The following ATG7 variants were observed in gnomAD, a reference collection of about 807,000 sequenced individuals.
The protein encoded by ATG7 is ubiquitin-like modifier-activating enzyme ATG7.
ATG7 carries 70 observed loss-of-function variants against 82.4 expected under a neutral mutation model. The ratio of observed to expected loss-of-function variants is 0.85; its 90% CI spans 0.70 to 1.04. The LOEUF (loss-of-function observed/expected upper bound fraction) is 1.04, where lower values mean the gene tolerates loss of function less well. Ranked by LOEUF, ATG7 falls within the 50% of genes least tolerant of loss-of-function variation. ATG7 has a pLI of 0.00. For missense variants in ATG7, 792 were observed against 864.3 expected (o/e 0.92, Z 1.05); for synonymous variants, 287 against 313.0 (o/e 0.92, Z 0.88).
intron 19 of ATG7, among the ~76,000 whole-genome samples, chr3:11,392,866 C>G (rs2078931632): frequency 6.6e-6 from 1 of 152,124 alleles, no homozygotes; most frequent in Non-Finnish European, 1.5e-5. Flanking sequence ...ACCAGGTGAT[C>G]TGTAACAATA....
At chr3:11,409,667 C>G (rs1470190681) in intron 19 of ATG7, among the ~76,000 whole-genome samples, 3 of 152,148 alleles carry the variant, frequency 2.0e-5, no homozygotes, top group Admixed American at 2.0e-4. Flanking sequence ...AGATTTTCTC[C>G]CATGTTATCC....
intron 19 of ATG7, among the ~76,000 whole-genome samples, chr3:11,391,575 G>A (rs994296988): frequency 2.0e-5 from 3 of 152,186 alleles, no homozygotes; most frequent in Admixed American, 1.3e-4. Context: ...CCAGCACAGC[G>A]GTTCTTGTCC....
rs1157992288 is a variant in ATG7, at chr3:11,292,251, TTTC to T, written c.-10-6432_-10-6430del. The stretch of plus-strand genomic sequence containing the variant: ...GTGAATTTATTTTTTTCTTTCTTTC[TTTC>T]TTTTTTTTTTTTTTTTGGAGACAGA... On this transcript the variant is annotated intron_variant, in intron 3 of 20. Coordinates refer to ENST00000693202, the MANE Select transcript of ATG7 (RefSeq NM_001349232.2). Among the ~76,000 whole-genome samples the T allele has an allele frequency of 9.9e-5, 15 of 151,154 alleles. No individual in the cohort carries two copies. The South Asian group carries it at 2.9e-3, about 29-fold the overall frequency.
intron 20 of ATG7, among the ~76,000 whole-genome samples, chr3:11,430,736 A>G (rs2082797748): frequency 6.6e-6 from 1 of 152,236 alleles, no homozygotes. Flanking sequence ...ACATGGAAAT[A>G]GTGAGCTCTA....
At chr3:11,317,506 T>C (rs553826959) in intron 9 of ATG7, among the ~76,000 whole-genome samples, 2 of 152,298 alleles carry the variant, frequency 1.3e-5, no homozygotes, top group South Asian at 4.1e-4. Flanking sequence ...AGTTAATTAG[T>C]ATCTGCATTT....
chr3:11,436,910 G>A (rs1321841977), intron 20 of ATG7, among the ~76,000 whole-genome samples: 1 of 152,178 alleles, frequency 6.6e-6, no homozygotes, highest in African/African-American at 2.4e-5. Context: ...GGTGGGGATG[G>A]GGGATTAAGG....
chr3:11,566,098 T>C, the ATG7 span, among the ~76,000 whole-genome samples: 7 of 152,340 alleles, frequency 4.6e-5, no homozygotes, highest in Admixed American at 3.3e-4. Flanking sequence ...AGGCCTGCCC[T>C]GGTGAAGCAG....
Position 11,552,041 on chromosome 3 carries a change from G to A in ATG7, c.2080-2770G>A, listed in dbSNP as rs146070500. On this transcript the variant is annotated intron_variant, in intron 20 of 20. Coordinates refer to ENST00000693202, the MANE Select transcript of ATG7 (RefSeq NM_001349232.2). The stretch of plus-strand genomic sequence containing the variant: ...TGGGATTACAGGCGTGCGCCACCAC[G>A]CCCGGCCTCTTTCATTCTGTTTTGA... 1.7e-4 allele frequency among the ~76,000 whole-genome samples: 26 copies of A among 152,372 alleles called. 1 individual carries two copies. The East Asian group carries it at 4.6e-3, about 27-fold the overall frequency.
At chr3:11,562,914 C>T in the ATG7 span, among the ~76,000 whole-genome samples, 138 of 152,346 alleles carry the variant, frequency 9.1e-4, 3 homozygotes, top group East Asian at 0.023. Context: ...CTCAGGAGCC[C>T]CAAGGCACAA....
At chr3:11,476,003 A>AT (rs1264196331) in intron 20 of ATG7, among the ~76,000 whole-genome samples, 1 of 151,738 alleles carries the variant, frequency 6.6e-6, no homozygotes, top group Non-Finnish European at 1.5e-5. Flanking sequence ...CCCTGCTGTG[A>AT]TTTTATTTCC....
chr3:11,407,600 C>T (rs545293547), intron 19 of ATG7, among the ~76,000 whole-genome samples: 23 of 152,364 alleles, frequency 1.5e-4, no homozygotes, highest in Non-Finnish European at 2.5e-4. Flanking sequence ...CAAACTTCAG[C>T]CTGGGCATCC....
At chr3:11,542,473 T>C (rs2070910826) in intron 20 of ATG7, among the ~76,000 whole-genome samples, 2 of 152,134 alleles carry the variant, frequency 1.3e-5, no homozygotes, top group South Asian at 4.2e-4. Context: ...GTTTCATATT[T>C]GCTTCTTAGC....
At chr3:11,395,855 G>A (rs937976739) in intron 19 of ATG7, among the ~76,000 whole-genome samples, 2 of 149,878 alleles carry the variant, frequency 1.3e-5, no homozygotes, top group African/African-American at 4.9e-5. Context: ...CAGGAGAATG[G>A]CGTGAACCGA....
intron 20 of ATG7, among the ~76,000 whole-genome samples, chr3:11,534,913 G>C (rs1351724633): frequency 6.6e-6 from 1 of 152,244 alleles, no homozygotes; most frequent in Non-Finnish European, 1.5e-5. Context: ...CTGCTGCGGA[G>C]GCGCCTCTGC....
At chr3:11,330,224 C>G (rs926306926) in intron 9 of ATG7, among the ~76,000 whole-genome samples, 1 of 152,132 alleles carries the variant, frequency 6.6e-6, no homozygotes, top group African/African-American at 2.4e-5. Context: ...GAAAGTAAAT[C>G]AGTAATTCCA....
At chr3:11,533,240 C>T (rs1237615849) in intron 20 of ATG7, among the ~76,000 whole-genome samples, 1 of 152,184 alleles carries the variant, frequency 6.6e-6, no homozygotes, top group African/African-American at 2.4e-5. Flanking sequence ...CTCCAGCTCC[C>T]TTTCATCATC....
At chr3:11,375,122 C>T (rs1201421644) in intron 18 of ATG7, among the ~76,000 whole-genome samples, 2 of 151,734 alleles carry the variant, frequency 1.3e-5, no homozygotes, top group Middle Eastern at 3.4e-3. Context: ...GGCTGAGGAT[C>T]GCTTGAGCCC....
intron 14 of ATG7, among the ~76,000 whole-genome samples, chr3:11,351,401 G>A (rs2075533634): frequency 6.6e-6 from 1 of 152,194 alleles, no homozygotes; most frequent in African/African-American, 2.4e-5. Flanking sequence ...GCTAGATTGA[G>A]GGTAGCAGAG....
intron 18 of ATG7, among the ~76,000 whole-genome samples, chr3:11,368,313 G>A (rs1322300232): frequency 6.6e-6 from 1 of 151,366 alleles, no homozygotes; most frequent in Non-Finnish European, 1.5e-5. Flanking sequence ...GCTGAGCTCT[G>A]CAAGGCCAGA....
Sources: allele counts gnomAD v4.1 joint callset (sites outside exome capture counted in the v4.1 genomes callset), GRCh38; gene constraint gnomAD v4.1.1; transcripts MANE v1.5; gene names NCBI Gene and HGNC (gene_info 2026-07-23, HGNC 2026-07-21).